The following PDZK1 variants were observed in gnomAD, a reference collection of about 807,000 sequenced individuals.
PDZK1 encodes the protein PDZ domain containing 1.
In PDZK1, 23 loss-of-function variants were observed where a neutral mutation model predicts 38.1. The observed-to-expected ratio is 0.60, with a 90% confidence interval of 0.43 to 0.85. The LOEUF (loss-of-function observed/expected upper bound fraction) is 0.85, where lower values mean the gene tolerates loss of function less well. PDZK1 is among the 40% of genes least tolerant of loss of function. The pLI is 0.00. For missense variants in PDZK1, 297 were observed against 504.3 expected, an observed-to-expected ratio of 0.59 and a Z score of 3.94; for synonymous variants, 98 against 186.2, an observed-to-expected ratio of 0.53 and a Z score of 3.86.
intron 1 of PDZK1, among the ~76,000 whole-genome samples, chr1:145,702,807 G>A (rs1339322466): frequency 6.6e-6 from 1 of 152,146 alleles, no homozygotes; most frequent in African/African-American, 2.4e-5. Flanking sequence ...GTAGGGGAAT[G>A]GTGTGAACCC....
chr1:145,697,968 C>G (rs1553704437), intron 1 of PDZK1, among the ~76,000 whole-genome samples: 1 of 151,542 alleles, frequency 6.6e-6, no homozygotes, highest in Admixed American at 6.6e-5. Flanking sequence ...GTTTCTGTAT[C>G]AAGAGATGAT....
intron 1 of PDZK1, among the ~76,000 whole-genome samples, chr1:145,698,675 T>C (rs1410928940): frequency 1.3e-5 from 2 of 152,122 alleles, no homozygotes; most frequent in African/African-American, 2.4e-5. Flanking sequence ...ACACCTATAA[T>C]CCCAGCACTT....
chr1:145,694,698 AC>A (rs1655513013), intron 1 of PDZK1, among the ~76,000 whole-genome samples: 2 of 152,018 alleles, frequency 1.3e-5, no homozygotes, highest in Admixed American at 1.3e-4. Context: ...AGAGATCTAG[AC>A]CATCCTGGCC....
intron 3 of PDZK1, among the ~76,000 whole-genome samples, chr1:145,685,010 G>T (rs587662543): frequency 2.1e-4 from 32 of 151,708 alleles, no homozygotes; most frequent in Admixed American, 9.2e-4. Context: ...TAAGTAGTAA[G>T]ACTAACAGGC....
At chr1:145,673,607 A>AT in intron 7 of PDZK1, 50 bp downstream of exon 7, 1 of 1,304,436 alleles carries the variant, frequency 7.7e-7, no homozygotes, top group Non-Finnish European at 1.1e-6. Context: ...AGCTGAGACT[A>AT]TCCTAATTGT....
In PDZK1 at chr1:145,671,359, A is replaced by G. The variant is rs1217988406; in HGVS notation, c.*77T>C. The G allele has an allele frequency of 1.4e-4, 229 of 1,606,066 alleles. 3 individuals carry two copies. In the South Asian group the frequency reaches 1.8e-3, roughly 13 times the overall value. On this transcript the variant is annotated 3_prime_UTR_variant, in exon 9 of 9. Coordinates refer to ENST00000417171, the MANE Select transcript of PDZK1 (RefSeq NM_001201325.2). ...AGAGACAGTAAACAGGTCACAACTCATTCCTTGAGAAAGGATTCCTATTAA... is the reference window on the plus strand; with the variant it reads ...AGAGACAGTAAACAGGTCACAACTCGTTCCTTGAGAAAGGATTCCTATTAA...
chr1:145,704,998 T>G (rs1220053718), intron 1 of PDZK1, among the ~76,000 whole-genome samples: 2 of 152,210 alleles, frequency 1.3e-5, no homozygotes, highest in African/African-American at 2.4e-5. Flanking sequence ...TGCCAGGTAG[T>G]GCTCAAGGGG....
intron 1 of PDZK1, among the ~76,000 whole-genome samples, chr1:145,702,010 T>G (rs782650438): frequency 6.6e-6 from 1 of 152,234 alleles, no homozygotes; most frequent in Non-Finnish European, 1.5e-5. Flanking sequence ...ATTTGCCTAG[T>G]GTACTTTCCC....
At chr1:145,679,897 A>G (rs1328697036) in intron 5 of PDZK1, among the ~76,000 whole-genome samples, 1 of 152,188 alleles carries the variant, frequency 6.6e-6, no homozygotes, top group Non-Finnish European at 1.5e-5. Flanking sequence ...GAATTCTTGT[A>G]CTACACATCA....
chr1:145,692,076 C>T (rs1230521964), intron 1 of PDZK1, among the ~76,000 whole-genome samples: 3 of 151,786 alleles, frequency 2.0e-5, no homozygotes, highest in Non-Finnish European at 2.9e-5. Flanking sequence ...ATAATGTGGC[C>T]GTGGTCAAGA....
chr1:145,683,494 C>T (rs1413909113), intron 3 of PDZK1, among the ~76,000 whole-genome samples: 1 of 152,158 alleles, frequency 6.6e-6, no homozygotes, highest in Non-Finnish European at 1.5e-5. Flanking sequence ...TGTAGGCTAA[C>T]AAGGACAGGC....
chr1:145,702,611 C>T (rs1260386330), intron 1 of PDZK1, among the ~76,000 whole-genome samples: 2 of 151,974 alleles, frequency 1.3e-5, no homozygotes, highest in East Asian at 1.9e-4. Context: ...AAAAGAAGCT[C>T]GGCCGGGTGC....
At chr1:145,677,910 TAAAAAAAAAAAAA>T (rs71077285) in intron 6 of PDZK1, among the ~76,000 whole-genome samples, 6 of 68,588 alleles carry the variant, frequency 8.7e-5, no homozygotes, top group African/African-American at 1.1e-4. Flanking sequence ...GTGTTAAAAG[TAAAAAAAAAAAAA>T]AAAAAAAAAA....
chr1:145,676,896 G>A (rs1187093005), intron 6 of PDZK1, among the ~76,000 whole-genome samples: 2 of 151,846 alleles, frequency 1.3e-5, no homozygotes, highest in Middle Eastern at 3.4e-3. Flanking sequence ...TCTTGAAACC[G>A]GACACAATAT....
chr1:145,683,929 C>A (rs1654502713), intron 3 of PDZK1, among the ~76,000 whole-genome samples: 1 of 151,740 alleles, frequency 6.6e-6, no homozygotes, highest in African/African-American at 2.4e-5. Context: ...TCACAGCAAC[C>A]TCTGCCTCCC....
intron 2 of PDZK1, 118 bp downstream of exon 2, chr1:145,687,694 C>G: frequency 1.2e-6 from 1 of 808,880 alleles, no homozygotes; most frequent in Non-Finnish European, 2.1e-6. Context: ...AGGTGTCCTG[C>G]CTTGCCAGTG....
At chr1:145,688,105 A>C in intron 1 of PDZK1, 82 bp from the exon 2 acceptor site, 1 of 1,212,952 alleles carries the variant, frequency 8.2e-7, no homozygotes, top group Non-Finnish European at 1.2e-6. Context: ...ATCTCCTATA[A>C]TTCTGTTCTT....
In PDZK1 at chr1:145,687,937, CCTT is replaced by C. The variant is rs1553702255; in HGVS notation, c.82_84del (p.Lys28del). 23 of 1,612,748 alleles carry C rather than the reference CCTT, an allele frequency of 1.4e-5. No homozygotes were observed. The highest frequency in any genetic ancestry group is 1.9e-5 in the Non-Finnish European group (22 of 1,179,638). On this transcript the variant is annotated inframe_deletion, in exon 2 of 9. Coordinates refer to ENST00000417171, the MANE Select transcript of PDZK1 (RefSeq NM_001201325.2). ...ACCCGGACCAGGTGGCCCTCGGTGT[CCTT>C]CTCAATTCGCAGGAAGAAGCCATAG...
chr1:145,689,226 G>A (rs967544741), intron 1 of PDZK1, among the ~76,000 whole-genome samples: 17 of 152,164 alleles, frequency 1.1e-4, no homozygotes, highest in Non-Finnish European at 2.4e-4. Flanking sequence ...TGGAGCTACA[G>A]GCACATATCA....
Sources: allele counts gnomAD v4.1 joint callset (sites outside exome capture counted in the v4.1 genomes callset), GRCh38; gene constraint gnomAD v4.1.1; transcripts MANE v1.5; gene names NCBI Gene and HGNC (gene_info 2026-07-23, HGNC 2026-07-21).